The following TBX5 variants were observed in gnomAD, a reference collection of about 807,000 sequenced individuals.
TBX5 encodes the protein T-box transcription factor TBX5.
TBX5 carries 8 observed loss-of-function variants against 51.1 expected under a neutral mutation model. The observed-to-expected ratio is 0.16, with a 90% CI of 0.09 to 0.28. The LOEUF is 0.28. TBX5 is among the 10% of genes least tolerant of loss of function. The pLI is 1.00. For synonymous variants in TBX5, 302 were observed against 266.4 expected (o/e 1.13, Z -1.30); for missense variants, 589 against 671.7 (o/e 0.88, Z 1.36).
chr12:114,379,659 G>A (rs1371968471), intron 7 of TBX5, among the ~76,000 whole-genome samples: 1 of 152,210 alleles, frequency 6.6e-6, no homozygotes, highest in Non-Finnish European at 1.5e-5. Flanking sequence ...TGAGGAAACA[G>A]ACACTCCTCG....
At chr12:114,361,868 T>C (rs556639112) in intron 8 of TBX5, among the ~76,000 whole-genome samples, 35 of 152,252 alleles carry the variant, frequency 2.3e-4, no homozygotes, top group Admixed American at 2.3e-3. Flanking sequence ...TCCCTGTCAC[T>C]GGGAGCTCCC....
intron 2 of TBX5, among the ~76,000 whole-genome samples, chr12:114,403,447 C>G (rs960898410): frequency 6.6e-6 from 1 of 152,184 alleles, no homozygotes; most frequent in Non-Finnish European, 1.5e-5. Context: ...CCATTGTTAG[C>G]TGACCCCAAA....
At chr12:114,391,157 T>C (rs1321339948) in intron 6 of TBX5, among the ~76,000 whole-genome samples, 1 of 152,266 alleles carries the variant, frequency 6.6e-6, no homozygotes, top group African/African-American at 2.4e-5. Context: ...CAAATTGTCT[T>C]GGCAATTTAA....
chr12:114,365,772 G>T (rs1869487612), intron 8 of TBX5, among the ~76,000 whole-genome samples: 1 of 148,280 alleles, frequency 6.7e-6, no homozygotes, highest in African/African-American at 2.5e-5. Flanking sequence ...TGAGGCTGCA[G>T]TGAGCCATGA....
intron 7 of TBX5, among the ~76,000 whole-genome samples, chr12:114,370,826 T>C (rs1869861507): frequency 6.6e-6 from 1 of 152,126 alleles, no homozygotes; most frequent in African/African-American, 2.4e-5. Flanking sequence ...AGGTAGTGTT[T>C]GGTTACGTGG....
intron 8 of TBX5, among the ~76,000 whole-genome samples, chr12:114,364,442 C>T (rs2136371044): frequency 6.6e-6 from 1 of 152,266 alleles, no homozygotes; most frequent in Middle Eastern, 3.4e-3. Flanking sequence ...ACAAGTCGTA[C>T]CCTGAGCCCA....
chr12:114,368,004 G>A (rs1347715580), intron 7 of TBX5, among the ~76,000 whole-genome samples: 1 of 152,158 alleles, frequency 6.6e-6, no homozygotes, highest in African/African-American at 2.4e-5. Flanking sequence ...CCTAGAAGGA[G>A]CATGTGTCAG....
chr12:114,385,389 G>A lies in TBX5; in HGVS notation c.755+87C>T, dbSNP rs149795026. On this transcript the variant is annotated intron_variant, in intron 7 of 8. Transcript: ENST00000405440. ...GCATTCTACGGGCAGGAAGGCTGGT[G>A]GAGGGAGGTGCTGGGTTGCTGCTGG... is the stretch of plus-strand genomic sequence containing the variant. 174 of 1,107,960 alleles carry A rather than the reference G, an allele frequency of 1.6e-4. No homozygotes were observed. The African/African-American group carries it at 2.2e-3, about 14-fold the overall frequency. 68.6% of individuals were successfully genotyped at this position (1,107,960 alleles called of 1,614,324 possible).
At chr12:114,389,789 A>AAAAAAAAT in intron 6 of TBX5, among the ~76,000 whole-genome samples, 1 of 126,228 alleles carries the variant, frequency 7.9e-6, no homozygotes, top group Non-Finnish European at 1.7e-5. Context: ...AAAAAAAAAA[A>AAAAAAAAT]GTGGATGAAG....
At chr12:114,376,628 T>A (rs1167833376) in intron 7 of TBX5, among the ~76,000 whole-genome samples, 2 of 151,176 alleles carry the variant, frequency 1.3e-5, no homozygotes, top group Non-Finnish European at 2.9e-5. Context: ...TAAAATTAAC[T>A]AAGAGGGTAC....
At chr12:114,391,191 C>T (rs911506592) in intron 6 of TBX5, among the ~76,000 whole-genome samples, 1 of 152,260 alleles carries the variant, frequency 6.6e-6, no homozygotes, top group East Asian at 1.9e-4. Flanking sequence ...TTTTCTTTTC[C>T]CTGCTCATTT....
intron 8 of TBX5, among the ~76,000 whole-genome samples, chr12:114,358,234 T>C (rs1869027457): frequency 6.6e-6 from 1 of 152,222 alleles, no homozygotes; most frequent in Admixed American, 6.5e-5. Flanking sequence ...TGCTAGGTAT[T>C]GTGCCAGGTG....
intron 2 of TBX5, 51 bp from the exon 3 acceptor site, chr12:114,401,971 A>C: frequency 5.3e-6 from 8 of 1,518,618 alleles, no homozygotes; most frequent in Non-Finnish European, 7.3e-6. Flanking sequence ...AGTAGTGGGC[A>C]TTCCTTCCCC....
intron 8 of TBX5, among the ~76,000 whole-genome samples, chr12:114,360,967 CTTA>C (rs1869209197): frequency 6.6e-6 from 1 of 152,152 alleles, no homozygotes; most frequent in South Asian, 2.1e-4. Flanking sequence ...TACTTACTGG[CTTA>C]TTATATGTCT....
chr12:114,389,480 C>T (rs950172392), intron 6 of TBX5, among the ~76,000 whole-genome samples: 13 of 151,576 alleles, frequency 8.6e-5, no homozygotes, highest in East Asian at 5.9e-4. Flanking sequence ...GAAGGCCGGG[C>T]GCGGTGGCTC....
At chr12:114,387,961 C>G (rs546204073) in intron 6 of TBX5, among the ~76,000 whole-genome samples, 8 of 152,156 alleles carry the variant, frequency 5.3e-5, no homozygotes, top group Non-Finnish European at 8.8e-5. Context: ...CTCGGCATCC[C>G]GAGCAGCTGG....
rs192962739 is a variant in TBX5 at position 114,387,614 on chromosome 12, C to T, written c.664-2047G>A. Among the ~76,000 whole-genome samples the T allele has an allele frequency of 3.2e-3, 488 of 152,198 alleles. 13 individuals are homozygous for T. Among genetic ancestry groups the T allele is most frequent in the Admixed American group, 0.031 (466 of 15,278 alleles). Reference sequence around the variant, plus strand: ...CACATCATTATGTATTTGTCCAAACCCATGGAATGTACAACACCAAGAGTG... The same window carrying T: ...CACATCATTATGTATTTGTCCAAACTCATGGAATGTACAACACCAAGAGTG... On this transcript the variant is annotated intron_variant, in intron 6 of 8. Coordinates refer to ENST00000405440, the MANE Select transcript of TBX5 (RefSeq NM_181486.4).
At chr12:114,369,788 C>A (rs1249435429) in intron 7 of TBX5, among the ~76,000 whole-genome samples, 2 of 151,928 alleles carry the variant, frequency 1.3e-5, no homozygotes, top group East Asian at 3.9e-4. Context: ...ATACAGGCAG[C>A]AAAAGGAGCC....
Position 114,356,060 on chromosome 12 carries a change from C to T in TBX5, c.1029G>A (p.Met343Ile), listed in dbSNP as rs774825317. Reference sequence around the variant, plus strand: ...AATCTTCTTCACTGGGTGATGTCTCCATGTAGGGCTTCTTATAGGGATGGT... The same window carrying T: ...AATCTTCTTCACTGGGTGATGTCTCTATGTAGGGCTTCTTATAGGGATGGT... ...TTDHPYKKPY[M>I]ETSPSEEDSF... is the part of the protein sequence containing the mutation. The change falls in exon 9 of 9, where the codon ATG (methionine) becomes ATA (isoleucine). Residue 343 changes from methionine (M) to isoleucine (I), a missense_variant. By Grantham distance (10) the Met-to-Ile change is conservative. Around this residue, in one of 7 missense-constraint regions of TBX5, gnomAD observed 348 missense variants for 360.4 expected, o/e 0.97. Transcript: ENST00000405440. 1.4e-5 allele frequency: 23 copies of T among 1,613,746 alleles called. No individual in the cohort carries two copies. The highest frequency in any genetic ancestry group is 2.7e-5 in the African/African-American group (2 of 74,918).
Sources: allele counts gnomAD v4.1 joint callset (sites outside exome capture counted in the v4.1 genomes callset), GRCh38; gene constraint gnomAD v4.1.1; regional missense constraint gnomAD v4.1.1; transcripts MANE v1.5; gene names NCBI Gene and HGNC (gene_info 2026-07-23, HGNC 2026-07-21).